PCDH15: variants seen among roughly 807,000 people sequenced by gnomAD.
The protein encoded by PCDH15 is protocadherin related 15.
In PCDH15, 129 loss-of-function variants were observed where a neutral mutation model predicts 178.5. The observed-to-expected ratio is 0.72, with a 90% CI of 0.63 to 0.84. The LOEUF is 0.84. Among genes scored for constraint, PCDH15 ranks in the 40% least tolerant of loss-of-function variants. The pLI is 0.00. For missense variants in PCDH15, 2,230 were observed against 2,099.9 expected, an observed-to-expected ratio of 1.06 and a Z score of -1.21; for synonymous variants, 800 against 732.0, an observed-to-expected ratio of 1.09 and a Z score of -1.50.
chr10:54,019,254 T>C (rs1282190939), intron 20 of PCDH15, among the ~76,000 whole-genome samples: 1 of 152,160 alleles, frequency 6.6e-6, no homozygotes, highest in African/African-American at 2.4e-5. Context: ...TTTTACTTTA[T>C]ATTGCCTAAG....
intron 18 of PCDH15, among the ~76,000 whole-genome samples, chr10:54,046,036 C>T (rs143623309): frequency 6.6e-6 from 1 of 152,034 alleles, no homozygotes; most frequent in South Asian, 2.1e-4. Flanking sequence ...ATAAGAAACT[C>T]AAATAGGCAT....
chr10:54,718,810 C>A (rs558278385), intron 1 of PCDH15, among the ~76,000 whole-genome samples: 21 of 151,124 alleles, frequency 1.4e-4, no homozygotes, highest in South Asian at 8.4e-4. Context: ...GATTCTCCTG[C>A]CTCAGCCTCC....
At chr10:54,357,466 G>T (rs1165948799) in intron 5 of PCDH15, among the ~76,000 whole-genome samples, 1 of 152,002 alleles carries the variant, frequency 6.6e-6, no homozygotes, top group African/African-American at 2.4e-5. Context: ...GGGATGTGAA[G>T]GACCTCTTCA....
At chr10:54,353,491 T>C (rs1944479147) in intron 5 of PCDH15, among the ~76,000 whole-genome samples, 1 of 152,174 alleles carries the variant, frequency 6.6e-6, no homozygotes, top group Non-Finnish European at 1.5e-5. Flanking sequence ...AAAAATATAA[T>C]ATTTTTATCA....
At chr10:54,412,424 T>C (rs1953673326) in intron 3 of PCDH15, among the ~76,000 whole-genome samples, 1 of 152,122 alleles carries the variant, frequency 6.6e-6, no homozygotes, top group African/African-American at 2.4e-5. Flanking sequence ...CTAAAATGCC[T>C]AAAGATTAAT....
intron 15 of PCDH15, among the ~76,000 whole-genome samples, chr10:54,101,585 C>T (rs1457439004): frequency 1.3e-5 from 2 of 152,152 alleles, no homozygotes; most frequent in Non-Finnish European, 2.9e-5. Flanking sequence ...GAGCATACAG[C>T]AGAGACACTT....
intron 14 of PCDH15, among the ~76,000 whole-genome samples, 177 bp downstream of exon 14, chr10:54,152,923 T>C (rs1223345252): frequency 6.6e-6 from 1 of 152,084 alleles, no homozygotes; most frequent in Non-Finnish European, 1.5e-5. Context: ...ATTGTCCTCT[T>C]CCCAAAATTT....
intron 26 of PCDH15, among the ~76,000 whole-genome samples, chr10:53,894,587 C>A (rs2081820722): frequency 6.6e-6 from 1 of 152,162 alleles, no homozygotes; most frequent in Non-Finnish European, 1.5e-5. Context: ...CAAAATAACT[C>A]ACTAGCTTTC....
intron 1 of PCDH15, among the ~76,000 whole-genome samples, chr10:55,174,351 G>A (rs1418748749): frequency 3.3e-5 from 5 of 152,054 alleles, no homozygotes; most frequent in Admixed American, 6.6e-5. Context: ...AAGAATCCAC[G>A]ACCAGAGTGA....
chr10:55,239,808 G>A (rs1296444087), intron 1 of PCDH15, among the ~76,000 whole-genome samples: 1 of 151,914 alleles, frequency 6.6e-6, no homozygotes, highest in Non-Finnish European at 1.5e-5. Flanking sequence ...TTAATAAGCA[G>A]ACTATATAAG....
At chr10:54,312,726 A>G (rs1406140238) in intron 8 of PCDH15, among the ~76,000 whole-genome samples, 1 of 152,100 alleles carries the variant, frequency 6.6e-6, no homozygotes, top group African/African-American at 2.4e-5. Context: ...AGTGGCACCC[A>G]GCCCTCAGTT....
At chr10:53,864,038 C>G (rs2079281751) in intron 27 of PCDH15, among the ~76,000 whole-genome samples, 2 of 152,122 alleles carry the variant, frequency 1.3e-5, no homozygotes. Flanking sequence ...AGAAGATTTT[C>G]TAGGACATCG....
At chr10:55,424,811 T>C (rs566528795) in intron 2 of PCDH15, among the ~76,000 whole-genome samples, 1 of 152,234 alleles carries the variant, frequency 6.6e-6, no homozygotes, top group Non-Finnish European at 1.5e-5. Context: ...CATCAATTTC[T>C]AGGCCTCTGC....
intron 1 of PCDH15, among the ~76,000 whole-genome samples, chr10:55,259,214 C>T (rs895524845): frequency 6.6e-5 from 10 of 152,116 alleles, no homozygotes; most frequent in Non-Finnish European, 1.5e-4. Flanking sequence ...AGAGTCTTTG[C>T]TTCAGGAGGT....
intron 2 of PCDH15, among the ~76,000 whole-genome samples, chr10:54,589,955 A>AAT (rs919316774): frequency 2.6e-5 from 4 of 152,144 alleles, no homozygotes; most frequent in Admixed American, 1.3e-4. Flanking sequence ...GTATTGGAAT[A>AAT]ATATATATAC....
At chr10:54,660,791 C>A (rs140055148) in intron 2 of PCDH15, among the ~76,000 whole-genome samples, 1 of 152,126 alleles carries the variant, frequency 6.6e-6, no homozygotes, top group East Asian at 1.9e-4. Context: ...TCCAGGGATG[C>A]ACAAATAGTT....
chr10:54,015,824 T>C (rs1280416638), intron 20 of PCDH15, among the ~76,000 whole-genome samples: 1 of 152,162 alleles, frequency 6.6e-6, no homozygotes, highest in African/African-American at 2.4e-5. Flanking sequence ...AATATCATTC[T>C]GGACATAAGC....
chr10:54,757,160 T>C (rs1377508451), intron 1 of PCDH15, among the ~76,000 whole-genome samples: 2 of 152,332 alleles, frequency 1.3e-5, no homozygotes, highest in Admixed American at 6.5e-5. Flanking sequence ...TGTGTTCTAT[T>C]AGCTGGGGAC....
At chr10:55,592,018 C>A (rs1842850996) in intron 2 of PCDH15, among the ~76,000 whole-genome samples, 1 of 151,970 alleles carries the variant, frequency 6.6e-6, no homozygotes. Context: ...TGAAAGAATA[C>A]CTCTTAGAGT....
Sources: allele counts gnomAD v4.1 joint callset (sites outside exome capture counted in the v4.1 genomes callset), GRCh38; gene constraint gnomAD v4.1.1; transcripts MANE v1.5; gene names NCBI Gene and HGNC (gene_info 2026-07-23, HGNC 2026-07-21).